ADORA2B: variants seen among roughly 807,000 people sequenced by gnomAD.
ADORA2B encodes the protein adenosine receptor A2b.
In ADORA2B, 18 loss-of-function variants were observed where a neutral mutation model predicts 20.8. The ratio of observed to expected loss-of-function variants is 0.87; its 90% CI spans 0.60 to 1.29. The LOEUF (loss-of-function observed/expected upper bound fraction) is 1.29. Among genes scored for constraint, ADORA2B ranks in the 50% most tolerant of loss-of-function variants. The pLI, the probability that ADORA2B is intolerant of heterozygous loss-of-function variation, is 0.00. For synonymous variants in ADORA2B, 179 were observed against 178.3 expected (o/e 1.00, Z -0.03); for missense variants, 441 against 422.7 (o/e 1.04, Z -0.38).
At chr17:15,879,779 C>T in the ADORA2B span, among the ~76,000 whole-genome samples, 8 of 150,282 alleles carry the variant, frequency 5.3e-5, no homozygotes, top group South Asian at 1.2e-3. Flanking sequence ...CCTTGTGATC[C>T]GCCTGCCTCG....
chr17:15,918,540 C>G, the ADORA2B span, among the ~76,000 whole-genome samples: 1 of 152,142 alleles, frequency 6.6e-6, no homozygotes, highest in Non-Finnish European at 1.5e-5. Flanking sequence ...AGCTTGAGGT[C>G]GGCTCACTGC....
At chr17:15,970,143 CTG>C (rs1309863317) in intron 1 of ADORA2B, among the ~76,000 whole-genome samples, 17 of 152,318 alleles carry the variant, frequency 1.1e-4, no homozygotes, top group African/African-American at 3.8e-4. Flanking sequence ...TACTTATTTT[CTG>C]TGTTTCCCAT....
At chr17:15,956,550 TATC>T (rs1969968279) in intron 1 of ADORA2B, among the ~76,000 whole-genome samples, 1 of 151,892 alleles carries the variant, frequency 6.6e-6, no homozygotes, top group African/African-American at 2.4e-5. Flanking sequence ...GGTTTGCTGA[TATC>T]ATCCTCTACT....
the ADORA2B span, among the ~76,000 whole-genome samples, chr17:15,874,428 C>T: frequency 2.0e-5 from 3 of 151,628 alleles, no homozygotes; most frequent in African/African-American, 7.3e-5. Context: ...TGGCTCACCC[C>T]TGTAATCTCA....
the ADORA2B span, among the ~76,000 whole-genome samples, chr17:15,889,524 C>T: frequency 7.7e-6 from 1 of 130,126 alleles, no homozygotes; most frequent in Non-Finnish European, 1.6e-5. Flanking sequence ...TCAGTTTTGC[C>T]ATGAGCTTTA....
chr17:15,931,421 T>C, the ADORA2B span, among the ~76,000 whole-genome samples: 65 of 152,178 alleles, frequency 4.3e-4, no homozygotes, highest in Non-Finnish European at 6.9e-4. Flanking sequence ...TGGGTAGAAA[T>C]AGCCTAAGAA....
At chr17:15,948,492 G>C (rs927666557) in intron 1 of ADORA2B, among the ~76,000 whole-genome samples, 2 of 151,340 alleles carry the variant, frequency 1.3e-5, no homozygotes, top group Non-Finnish European at 2.9e-5. Context: ...GAGGGTGTGG[G>C]CCATGCCCAA....
chr17:15,891,884 G>C, the ADORA2B span, among the ~76,000 whole-genome samples: 2 of 130,692 alleles, frequency 1.5e-5, no homozygotes, highest in Non-Finnish European at 3.1e-5. Flanking sequence ...ATCTCCCTCT[G>C]TCGCCTAGGC....
chr17:15,867,624 G>C, the ADORA2B span, among the ~76,000 whole-genome samples: 1 of 150,050 alleles, frequency 6.7e-6, no homozygotes, highest in African/African-American at 2.5e-5. Flanking sequence ...GGGAGGCGGG[G>C]GGGTCAGCCC....
intron 1 of ADORA2B, among the ~76,000 whole-genome samples, chr17:15,956,760 C>T (rs1308181505): frequency 6.6e-6 from 1 of 151,970 alleles, no homozygotes; most frequent in African/African-American, 2.4e-5. Context: ...CAACGATGCC[C>T]AGCTGATTTT....
chr17:15,961,279 GAAA>G, intron 1 of ADORA2B, among the ~76,000 whole-genome samples: 1 of 145,190 alleles, frequency 6.9e-6, no homozygotes, highest in Middle Eastern at 3.6e-3. Flanking sequence ...TTTTCTTGGG[GAAA>G]AAAAAAAAAA....
At chr17:15,863,607 G>A in the ADORA2B span, among the ~76,000 whole-genome samples, 1 of 152,136 alleles carries the variant, frequency 6.6e-6, no homozygotes. Context: ...TCCTGCCTCA[G>A]CTTTCCAAAG....
the ADORA2B span, among the ~76,000 whole-genome samples, chr17:15,859,185 G>A: frequency 1.3e-5 from 2 of 152,070 alleles, no homozygotes; most frequent in Non-Finnish European, 2.9e-5. Context: ...TTGCCCTGAA[G>A]TAAATACCTC....
Position 15,945,431 on chromosome 17 carries a change from C to T in ADORA2B, c.183C>T (p.Ile61=), listed in dbSNP as rs780145057. The T allele has an allele frequency of 1.2e-6, 2 of 1,613,602 alleles. No homozygotes were observed. The highest frequency in any genetic ancestry group is 2.7e-5 in the African/African-American group (2 of 74,948). ...AADVAVGLFA[I]PFAITISLGF... ...ACGTGGCCGTGGGGCTCTTCGCCAT[C>T]CCCTTTGCCATCACCATCAGCCTGG... Residue 61 remains isoleucine (I), a synonymous_variant, in exon 1 of 2, where the codon ATC becomes ATT. Coordinates refer to ENST00000304222, the MANE Select transcript of ADORA2B (RefSeq NM_000676.4).
chr17:15,893,223 C>T, the ADORA2B span, among the ~76,000 whole-genome samples: 1 of 152,136 alleles, frequency 6.6e-6, no homozygotes, highest in Non-Finnish European at 1.5e-5. Flanking sequence ...GAATGTTAAC[C>T]TTTTTTATAT....
chr17:15,974,529 T>A, intron 1 of ADORA2B, 150 bp from the exon 2 acceptor site: 1 of 632,786 alleles, frequency 1.6e-6, no homozygotes, highest in East Asian at 2.7e-5. Flanking sequence ...TGCTTGCATG[T>A]CTTTAGTATT....
At chr17:15,915,575 G>A in the ADORA2B span, among the ~76,000 whole-genome samples, 2 of 151,652 alleles carry the variant, frequency 1.3e-5, no homozygotes, top group Non-Finnish European at 2.9e-5. Flanking sequence ...CAGAGAAACA[G>A]CCCCAATAGG....
At chr17:15,901,187 T>C in the ADORA2B span, among the ~76,000 whole-genome samples, 2 of 152,148 alleles carry the variant, frequency 1.3e-5, no homozygotes, top group Non-Finnish European at 2.9e-5. Flanking sequence ...AATTTGAGGC[T>C]GGGCACAGTG....
chr17:15,934,514 G>A, the ADORA2B span, among the ~76,000 whole-genome samples: 4 of 152,108 alleles, frequency 2.6e-5, no homozygotes, highest in Non-Finnish European at 4.4e-5. Flanking sequence ...GTGAGCCACC[G>A]CGCCCGACCT....
Sources: gnomAD v4.1 joint callset for allele counts (sites outside exome capture counted in the v4.1 genomes callset) on GRCh38, gnomAD v4.1.1 for gene constraint, MANE v1.5 for transcripts, NCBI Gene and HGNC (gene_info 2026-07-23, HGNC 2026-07-21) for gene names.